Variants in TEAD4 observed in about 807,000 individuals in gnomAD.
The protein encoded by TEAD4 is TEA domain transcription factor 4, also known as transcriptional enhancer factor TEF-3.
A neutral mutation model predicts 52.4 loss-of-function variants in TEAD4; 36 were observed. The ratio of observed to expected loss-of-function variants is 0.69; its 90% CI spans 0.53 to 0.91. TEAD4 has a LOEUF of 0.91. TEAD4 is among the 40% of genes least tolerant of loss of function. TEAD4 has a pLI of 0.00. For missense variants in TEAD4, 508 were observed against 583.9 expected, an observed-to-expected ratio of 0.87 and a Z score of 1.34; for synonymous variants, 220 against 231.0, an observed-to-expected ratio of 0.95 and a Z score of 0.43.
At chr12:2,966,850 G>A (rs2098220796) in intron 2 of TEAD4, among the ~76,000 whole-genome samples, 1 of 152,114 alleles carries the variant, frequency 6.6e-6, no homozygotes, top group Non-Finnish European at 1.5e-5. Flanking sequence ...GGGATTACAG[G>A]CACCTGCCAC....
At chr12:3,002,017 G>A (rs1025829503) in intron 3 of TEAD4, among the ~76,000 whole-genome samples, 4 of 152,032 alleles carry the variant, frequency 2.6e-5, no homozygotes, top group African/African-American at 7.3e-5. Context: ...GCTTGAACCT[G>A]AGAGGTGGAG....
Position 3,022,014 on chromosome 12 carries a change from C to T in TEAD4, c.894C>T (p.Phe298=). Residue 298 remains phenylalanine, a synonymous_variant, in exon 10 of 13, where the codon TTC becomes TTT. Coordinates refer to ENST00000359864, the MANE Select transcript of TEAD4 (RefSeq NM_003213.4). Reference sequence around the variant, plus strand: ...CCAATGCCTTTTTTCTTGTGAAGTTCTGGGTAAGCCTGTGATAACCCCTTC... The same window carrying T: ...CCAATGCCTTTTTTCTTGTGAAGTTTTGGGTAAGCCTGTGATAACCCCTTC... The T allele has an allele frequency of 6.2e-7, 1 of 1,613,984 alleles. No homozygotes were observed. Among genetic ancestry groups the T allele is most frequent in the Non-Finnish European group, 8.5e-7 (1 of 1,179,876 alleles).
In TEAD4 at chr12:2,994,858, T is replaced by C. The variant is rs777338239; in HGVS notation, c.92T>C (p.Leu31Pro). Reference sequence around the variant, plus strand: ...ACCGCCTCTGGGGGCAGTCAGGCACTGGACAAGCCCATCGACAATGACGCA... The same window carrying C: ...ACCGCCTCTGGGGGCAGTCAGGCACCGGACAAGCCCATCGACAATGACGCA... The change falls in exon 3 of 13, where the codon CTG (leucine) becomes CCG (proline). Residue 31 changes from leucine to proline, a missense_variant. Transcript: ENST00000359864. This position sits in a 1 kb window ranked among gnomAD's most constrained non-coding sequence, Gnocchi z 4.7. The C allele has an allele frequency of 6.2e-7, 1 of 1,613,962 alleles. No individual in the cohort carries two copies. The highest frequency in any genetic ancestry group is 1.3e-5 in the African/African-American group (1 of 74,922).
rs1256063893 is a variant in TEAD4, at chr12:3,022,030, T to G, written c.897+13T>G. 2 of 1,613,472 alleles carry G rather than the reference T, an allele frequency of 1.2e-6. No homozygotes were observed. The highest frequency in any genetic ancestry group is 1.7e-6 in the Non-Finnish European group (2 of 1,179,544). ...TGTGAAGTTCTGGGTAAGCCTGTGA[T>G]AACCCCTTCTTTCCTGCCACCAGCG... On this transcript the variant is annotated intron_variant, in intron 10 of 12. Coordinates refer to ENST00000359864, the MANE Select transcript of TEAD4 (RefSeq NM_003213.4).
rs182370848 is a variant in TEAD4, at chr12:3,003,961, G to C, written c.227-7043G>C. Among the ~76,000 whole-genome samples the C allele has an allele frequency of 5.5e-4, 84 of 152,342 alleles. No homozygotes were observed. The East Asian group carries it at 0.014, about 25-fold the overall frequency. ...GCTTTACAAGTTTCTCACTGCCATG[G>C]CCCTTCTTTGCCGGCCTTCACTGTG... On this transcript the variant is annotated intron_variant, in intron 3 of 12. Coordinates refer to ENST00000359864, the MANE Select transcript of TEAD4 (RefSeq NM_003213.4).
intron 2 of TEAD4, among the ~76,000 whole-genome samples, chr12:2,968,697 G>A (rs1440619485): frequency 6.6e-6 from 1 of 151,784 alleles, no homozygotes; most frequent in Non-Finnish European, 1.5e-5. Context: ...TGCCCAGGCT[G>A]GAGTGCAGTG....
At chr12:3,038,194 C>T (rs2098280578) in intron 11 of TEAD4, 86 bp downstream of exon 11, 7 of 1,512,738 alleles carry the variant, frequency 4.6e-6, no homozygotes. Flanking sequence ...AGGAGGAATG[C>T]CCTCCGTTAG....
rs146456834 is a variant in TEAD4 at position 3,017,547 on chromosome 12, T to C, written c.483+21T>C. The C allele has an allele frequency of 4.9e-4, 786 of 1,606,380 alleles. 1 individual carries two copies. In the African/African-American group the frequency reaches 7.7e-3, roughly 16 times the overall value. Reference sequence around the variant, plus strand: ...CAGGGGTAAGTGGGCTGCCGAGAGCTGGAGGCCAGGCCAGCCCTCTCCTCC... The same window carrying C: ...CAGGGGTAAGTGGGCTGCCGAGAGCCGGAGGCCAGGCCAGCCCTCTCCTCC... On this transcript the variant is annotated intron_variant, in intron 6 of 12. Coordinates refer to ENST00000359864, the MANE Select transcript of TEAD4 (RefSeq NM_003213.4).
chr12:2,962,346 A>ATATATATATT (rs1350931012), intron 2 of TEAD4, among the ~76,000 whole-genome samples: 7 of 128,062 alleles, frequency 5.5e-5, no homozygotes, highest in Admixed American at 1.8e-4. Flanking sequence ...ATATATATAT[A>ATATATATATT]TTTTTTGAGA....
chr12:3,030,066 C>T (rs2098274559), intron 10 of TEAD4, among the ~76,000 whole-genome samples: 1 of 152,308 alleles, frequency 6.6e-6, no homozygotes, highest in South Asian at 2.1e-4. Flanking sequence ...ACTTAACTCT[C>T]CTGTTCTTAC....
At chr12:3,011,262 C>G (rs1420729436) in intron 4 of TEAD4, among the ~76,000 whole-genome samples, 194 bp downstream of exon 4, 1 of 152,088 alleles carries the variant, frequency 6.6e-6, no homozygotes, top group Non-Finnish European at 1.5e-5. Flanking sequence ...CGGGGTTTCA[C>G]TCATGTTGCC....
At chr12:2,986,501 G>A (rs947081648) in intron 2 of TEAD4, among the ~76,000 whole-genome samples, 4 of 151,740 alleles carry the variant, frequency 2.6e-5, no homozygotes, top group Non-Finnish European at 4.4e-5. Flanking sequence ...TTAGCCGGGC[G>A]TGGTGGTACG....
At position 3,011,108 on chromosome 12, in the gene TEAD4, C is replaced by T. The variant is rs776673942; in HGVS notation, c.291+40C>T. ...ACGGGTAGGGGTCCCGGGGGTGGTA[C>T]CCCAGCACCAGTCTGCTCCCAAGGT... On this transcript the variant is annotated intron_variant, in intron 4 of 12. Coordinates refer to ENST00000359864, the MANE Select transcript of TEAD4 (RefSeq NM_003213.4). 15 of 1,610,170 alleles carry T rather than the reference C, an allele frequency of 9.3e-6. No homozygotes were observed. In the African/African-American group the frequency reaches 1.7e-4, roughly 19 times the overall value.
chr12:3,006,654 A>T (rs951530625), intron 3 of TEAD4, among the ~76,000 whole-genome samples: 1 of 151,888 alleles, frequency 6.6e-6, no homozygotes, highest in African/African-American at 2.4e-5. Context: ...ATTTCACTCC[A>T]GCCTAGGCAA....
At chr12:2,963,242 C>T (rs921189622) in intron 2 of TEAD4, among the ~76,000 whole-genome samples, 1 of 152,198 alleles carries the variant, frequency 6.6e-6, no homozygotes, top group Non-Finnish European at 1.5e-5. Context: ...AGTCTTGCCC[C>T]GGTGACTGTC....
chr12:3,022,082 G>A, intron 10 of TEAD4, 65 bp downstream of exon 10: 1 of 1,570,506 alleles, frequency 6.4e-7, no homozygotes, highest in Non-Finnish European at 8.7e-7. Context: ...AACGGGGCGA[G>A]AGTGCCCAGA....
chr12:3,033,513 C>T (rs114762992), intron 10 of TEAD4, among the ~76,000 whole-genome samples: 10 of 152,356 alleles, frequency 6.6e-5, no homozygotes, highest in Admixed American at 3.3e-4. Flanking sequence ...CGGGCTGCAC[C>T]GTGGAGGCAG....
At chr12:2,971,814 CTTT>C (rs34434172) in intron 2 of TEAD4, among the ~76,000 whole-genome samples, 13 of 110,430 alleles carry the variant, frequency 1.2e-4, no homozygotes, top group Admixed American at 3.1e-4. Context: ...TTCTTTCTTT[CTTT>C]TTTTTTTTTT....
In TEAD4 at chr12:3,019,104, C is replaced by G. The variant is rs201375144; in HGVS notation, c.528-11C>G. ...CCGAGGCTGACACCTCCCCTCCTCT[C>G]TCTCCCGCAGTGTGAAGCCTTTCTC... On this transcript the variant is annotated splice_polypyrimidine_tract_variant and intron_variant, in intron 7 of 12. Coordinates refer to ENST00000359864, the MANE Select transcript of TEAD4 (RefSeq NM_003213.4). 47 of 1,614,012 alleles carry G rather than the reference C, an allele frequency of 2.9e-5. No individual in the cohort carries two copies. The Middle Eastern group carries it at 6.6e-4, about 23-fold the overall frequency.
Sources: gnomAD v4.1 joint callset for allele counts (sites outside exome capture counted in the v4.1 genomes callset) on GRCh38, gnomAD v4.1.1 for gene constraint, Gnocchi (gnomAD v3.1) non-coding constraint, MANE v1.5 for transcripts, NCBI Gene and HGNC (gene_info 2026-07-23, HGNC 2026-07-21) for gene names.